Variants in MED23 observed in about 807,000 individuals in gnomAD.
MED23 encodes the protein mediator of RNA polymerase II transcription subunit 23.
MED23 carries 105 observed loss-of-function variants against 163.9 expected under a neutral mutation model. That is an observed-to-expected ratio of 0.64 (90% CI 0.55 to 0.75). The LOEUF (loss-of-function observed/expected upper bound fraction) is 0.75, where lower values mean the gene tolerates loss of function less well. Ranked by LOEUF, MED23 falls within the 30% of genes least tolerant of loss-of-function variation. The pLI is 0.00. For missense variants in MED23, 1,054 were observed against 1,649.0 expected (o/e 0.64, Z 6.25); for synonymous variants, 561 against 565.6 (o/e 0.99, Z 0.12).
intron 30 of MED23, among the ~76,000 whole-genome samples, chr6:131,576,926 C>T (rs1773642020): frequency 6.6e-6 from 1 of 151,972 alleles, no homozygotes; most frequent in Non-Finnish European, 1.5e-5. Context: ...GCTGGATGTA[C>T]ATCCTCACTC....
chr6:131,579,509 A>C (rs1585413217), intron 30 of MED23: 1 of 428,222 alleles, frequency 2.3e-6, no homozygotes, highest in East Asian at 4.3e-5. Flanking sequence ...ACAGCAGAAA[A>C]TGTATGAAAT....
intron 30 of MED23, chr6:131,581,475 T>C (rs1202931040): frequency 5.1e-6 from 7 of 1,361,632 alleles, no homozygotes; most frequent in African/African-American, 1.4e-5. Context: ...ATCTTATTCT[T>C]GGTGTAATCT....
chr6:131,588,833 T>C (rs1345718712), intron 28 of MED23, among the ~76,000 whole-genome samples: 7 of 152,174 alleles, frequency 4.6e-5, no homozygotes, highest in African/African-American at 7.2e-5. Context: ...TTCCTCTTCA[T>C]ATGCTAAGTC....
At chr6:131,582,452 A>G (rs967846594), downstream of MED23, among the ~76,000 whole-genome samples, 4 of 152,206 alleles carry the variant, frequency 2.6e-5, no homozygotes, top group Non-Finnish European at 5.9e-5. Flanking sequence ...CAAAGCAATC[A>G]AGGGGAGGCA....
chr6:131,596,613 C>T lies in MED23; in HGVS notation c.2683G>A (p.Asp895Asn), dbSNP rs777436261. ...AAGTCACTTACTCGATTTCTAAAAT[C>T]GTTTGGTTTGAGTAACAGCAACTGA... is the stretch of plus-strand genomic sequence containing the variant. ...IIQLLLLKPN[D>N]FRNRVSDFVK... Residue 895 changes from aspartate to asparagine, a missense_variant, in exon 21 of 29, where the codon GAT (aspartate) becomes AAT (asparagine). This residue lies in a region of MED23 where 228 missense variants were observed against 461.3 expected (regional missense o/e 0.49). Transcript: ENST00000368068. 5.0e-6 allele frequency: 8 copies of T among 1,614,030 alleles called. No individual in the cohort carries two copies. The highest frequency in any genetic ancestry group is 1.1e-5 in the South Asian group (1 of 91,084).
chr6:131,584,760 G>C (rs1329880616), downstream of MED23, among the ~76,000 whole-genome samples: 3 of 151,210 alleles, frequency 2.0e-5, no homozygotes, highest in Non-Finnish European at 2.9e-5. Context: ...AAGAGCTTGA[G>C]TCCAGGAGTT....
Position 131,587,598 on chromosome 6 carries a change from T to C in MED23, c.*81A>G, listed in dbSNP as rs1774261655. On this transcript the variant is annotated 3_prime_UTR_variant, in exon 29 of 29. Transcript: ENST00000368068. Reference sequence around the variant, plus strand: ...CTGCTTCTACTATATCACTACAGTGTGATCGCATTCAGATTTAAAAGGTTT... The same window carrying C: ...CTGCTTCTACTATATCACTACAGTGCGATCGCATTCAGATTTAAAAGGTTT... The C allele has an allele frequency of 2.5e-6, 4 of 1,602,766 alleles. No homozygotes were observed. Among genetic ancestry groups the C allele is most frequent in the African/African-American group, 1.3e-5 (1 of 74,796 alleles).
chr6:131,594,983 T>C (rs900721423), intron 22 of MED23, among the ~76,000 whole-genome samples: 1 of 152,152 alleles, frequency 6.6e-6, no homozygotes, highest in Non-Finnish European at 1.5e-5. Flanking sequence ...TATTACCTAA[T>C]CCAAAAGAAA....
chr6:131,593,845 G>A (rs1242523781), intron 23 of MED23, among the ~76,000 whole-genome samples: 2 of 151,850 alleles, frequency 1.3e-5, no homozygotes. Context: ...TCTCCATAAA[G>A]TCTATTTTTA....
chr6:131,581,437 G>A, intron 30 of MED23: 2 of 1,531,132 alleles, frequency 1.3e-6, no homozygotes, highest in Non-Finnish European at 1.8e-6. Flanking sequence ...CATTCAGGAG[G>A]TGGAAGGGAA....
At chr6:131,627,337 A>AG (rs1180083022) in intron 3 of MED23, 59 bp downstream of exon 3, 17 of 1,260,180 alleles carry the variant, frequency 1.3e-5, no homozygotes, top group Non-Finnish European at 1.8e-5. Context: ...AAGAAAAAAA[A>AG]AAAAAAAAAG....
At chr6:131,615,407 A>G in intron 10 of MED23, 1 of 1,544,932 alleles carries the variant, frequency 6.5e-7, no homozygotes, top group Non-Finnish European at 8.9e-7. Context: ...AAAAAAAGAA[A>G]AGACAAAACA....
downstream of MED23, chr6:131,583,740 A>T (rs780484813): frequency 6.2e-7 from 1 of 1,613,358 alleles, no homozygotes; most frequent in African/African-American, 1.3e-5. Flanking sequence ...TTGTTGTTGT[A>T]GGGCTACTCT....
At chr6:131,574,757 G>T (rs1396367846) in intron 30 of MED23, among the ~76,000 whole-genome samples, 1 of 152,120 alleles carries the variant, frequency 6.6e-6, no homozygotes, top group Non-Finnish European at 1.5e-5. Flanking sequence ...CTGAGAAAGG[G>T]CTTCATCCCT....
Position 131,592,430 on chromosome 6 carries a change from T to G in MED23, c.3429A>C (p.Thr1143=). 1 of 1,614,072 alleles carries G rather than the reference T, an allele frequency of 6.2e-7. No homozygotes were observed. Among genetic ancestry groups the G allele is most frequent in the Non-Finnish European group, 8.5e-7 (1 of 1,179,988 alleles). The change falls in exon 25 of 29, where the codon ACA becomes ACC. Residue 1143 remains threonine, a synonymous_variant. Transcript: ENST00000368068. The stretch of plus-strand genomic sequence containing the variant: ...TCAAACCAATTGCATTCATCCATGC[T>G]GTAATGTTCTCTCTTGGCACTAAAG... The part of the protein sequence containing the change: ...SQPLVPRENI[T]AWMNAIGLII...
chr6:131,618,259 A>G lies in MED23; in HGVS notation c.780+148T>C, dbSNP rs139552579. The G allele has an allele frequency of 7.8e-5, 55 of 702,008 alleles. No homozygotes were observed. The African/African-American group carries it at 9.0e-4, about 11-fold the overall frequency. The allele number at this position is 702,008 out of a possible 1,614,324, so 43.5% of individuals were successfully genotyped here. ...CATAAACCACAGGGTATATTTAGAT[A>G]CTAGAATAACATGATAAACTATAAA... is the stretch of plus-strand genomic sequence containing the variant. On this transcript the variant is annotated intron_variant, in intron 9 of 28. Transcript: ENST00000368068.
intron 9 of MED23, among the ~76,000 whole-genome samples, chr6:131,617,577 T>C (rs149195475): frequency 9.0e-4 from 137 of 152,142 alleles, no homozygotes; most frequent in Middle Eastern, 3.4e-3. Context: ...AACAGTAAAA[T>C]GTCTGGGAAA....
At chr6:131,619,325 G>T (rs1219800666) in intron 8 of MED23, among the ~76,000 whole-genome samples, 1 of 152,140 alleles carries the variant, frequency 6.6e-6, no homozygotes, top group African/African-American at 2.4e-5. Context: ...ATGATTTCTA[G>T]AAATAATTAA....
chr6:131,627,329 G>GAAAAAAAAAAAAAAAAAAAAAA (rs60163644), intron 3 of MED23, 67 bp downstream of exon 3: 5 of 875,040 alleles, frequency 5.7e-6, no homozygotes, highest in Admixed American at 2.7e-5. Context: ...AATGTTAAAA[G>GAAAAAAAAAAAAAAAAAAAAAA]AAAAAAAAAA....
Sources: allele counts gnomAD v4.1 joint callset (sites outside exome capture counted in the v4.1 genomes callset), GRCh38; gene constraint gnomAD v4.1.1; regional missense constraint gnomAD v4.1.1; transcripts MANE v1.5; gene names NCBI Gene and HGNC (gene_info 2026-07-23, HGNC 2026-07-21).